The following FSHR variants were observed in gnomAD, a reference collection of about 807,000 sequenced individuals.
FSHR encodes the protein follicle-stimulating hormone receptor.
A neutral mutation model predicts 52.1 loss-of-function variants in FSHR; 46 were observed. The ratio of observed to expected loss-of-function variants is 0.88; its 90% confidence interval spans 0.70 to 1.13. The LOEUF (loss-of-function observed/expected upper bound fraction) is 1.13. Among genes scored for constraint, FSHR ranks in the 50% most tolerant of loss-of-function variants. The probability of loss-of-function intolerance (pLI) is 0.00; values close to 1 mark genes in which losing one functional copy is unlikely to be tolerated. For missense variants in FSHR, 964 were observed against 834.6 expected (o/e 1.16, Z -1.91); for synonymous variants, 399 against 309.6 (o/e 1.29, Z -3.03).
At chr2:48,979,312 A>C (rs1230884257) in intron 8 of FSHR, among the ~76,000 whole-genome samples, 1 of 152,106 alleles carries the variant, frequency 6.6e-6, no homozygotes, top group Non-Finnish European at 1.5e-5. Context: ...GTGGTGGTGC[A>C]CGCTTGTAGT....
At chr2:49,125,694 T>A (rs1380216914) in intron 1 of FSHR, among the ~76,000 whole-genome samples, 1 of 152,210 alleles carries the variant, frequency 6.6e-6, no homozygotes, top group Non-Finnish European at 1.5e-5. Context: ...ACCTGAGGAA[T>A]CTAAAATCCA....
intron 8 of FSHR, among the ~76,000 whole-genome samples, chr2:48,973,790 C>T (rs11693287): frequency 0.22 from 33,978 of 152,010 alleles, 5,207 homozygotes; most frequent in African/African-American, 0.45. Flanking sequence ...AGGAAATAGA[C>T]AGATCACCCC....
At chr2:49,088,834 T>C (rs981778094) in intron 1 of FSHR, among the ~76,000 whole-genome samples, 1 of 140,044 alleles carries the variant, frequency 7.1e-6, no homozygotes, top group Non-Finnish European at 1.6e-5. Context: ...TGATCACTAC[T>C]CCATGAACCA....
chr2:48,989,273 CTTTTTTTTTTTT>C (rs70946840), intron 5 of FSHR, among the ~76,000 whole-genome samples: 1 of 120,824 alleles, frequency 8.3e-6, no homozygotes, highest in African/African-American at 3.6e-5. Context: ...CATTCAGTGT[CTTTTTTTTTTTT>C]TTTTTTTTTT....
intron 2 of FSHR, among the ~76,000 whole-genome samples, chr2:49,037,527 T>C (rs1352466646): frequency 6.6e-6 from 1 of 152,132 alleles, no homozygotes; most frequent in Non-Finnish European, 1.5e-5. Context: ...ATGAGTAACT[T>C]TAATTGCTCA....
chr2:49,012,810 T>C (rs1667320444), intron 4 of FSHR, among the ~76,000 whole-genome samples: 1 of 152,114 alleles, frequency 6.6e-6, no homozygotes, highest in Non-Finnish European at 1.5e-5. Context: ...TACCTCTACC[T>C]GGCTGCTGGA....
In FSHR at chr2:49,112,273, A is replaced by T. The variant is rs545013657; in HGVS notation, c.152+41993T>A. ...TAAGACAGTGAAGTTGTGTAAGGGA[A>T]ATGCCATTTTTTTCCCTAGTAGAAT... On this transcript the variant is annotated intron_variant, in intron 1 of 9. Coordinates refer to ENST00000406846, the MANE Select transcript of FSHR (RefSeq NM_000145.4). 2.0e-5 allele frequency among the ~76,000 whole-genome samples: 3 copies of T among 152,312 alleles called. No homozygotes were observed. The South Asian group carries it at 6.2e-4, about 32-fold the overall frequency.
At chr2:49,035,596 A>G (rs918344818) in intron 2 of FSHR, among the ~76,000 whole-genome samples, 1 of 152,156 alleles carries the variant, frequency 6.6e-6, no homozygotes, top group African/African-American at 2.4e-5. Context: ...CCTCTATCAA[A>G]ACATCAGCCT....
At chr2:48,989,393 C>A (rs1435830230) in intron 5 of FSHR, among the ~76,000 whole-genome samples, 1 of 151,606 alleles carries the variant, frequency 6.6e-6, no homozygotes, top group Non-Finnish European at 1.5e-5. Context: ...AGTGATCCTG[C>A]CACCTCAGCC....
chr2:48,987,869 C>G (rs1675589817), intron 6 of FSHR, among the ~76,000 whole-genome samples: 1 of 151,402 alleles, frequency 6.6e-6, no homozygotes, highest in Non-Finnish European at 1.5e-5. Flanking sequence ...CACACACACA[C>G]ACCCCTTCAC....
At chr2:49,088,941 G>C (rs1032518124) in intron 1 of FSHR, among the ~76,000 whole-genome samples, 2 of 152,102 alleles carry the variant, frequency 1.3e-5, no homozygotes, top group Non-Finnish European at 2.9e-5. Flanking sequence ...TATGCATTGA[G>C]TAATTATATT....
At chr2:49,011,279 A>G (rs889357646) in intron 4 of FSHR, among the ~76,000 whole-genome samples, 5 of 151,788 alleles carry the variant, frequency 3.3e-5, no homozygotes, top group Admixed American at 6.6e-5. Flanking sequence ...CCTTCATTTC[A>G]TTATGTACCC....
intron 2 of FSHR, among the ~76,000 whole-genome samples, chr2:49,060,320 C>T (rs923895100): frequency 6.6e-6 from 1 of 152,026 alleles, no homozygotes; most frequent in Non-Finnish European, 1.5e-5. Flanking sequence ...CCATATGATC[C>T]CATTAGGTAT....
At chr2:49,028,220 AATG>A (rs1173474692) in intron 2 of FSHR, among the ~76,000 whole-genome samples, 1 of 152,196 alleles carries the variant, frequency 6.6e-6, no homozygotes, top group Non-Finnish European at 1.5e-5. Context: ...CTGCAGGAAT[AATG>A]ATGACAATGA....
intron 2 of FSHR, among the ~76,000 whole-genome samples, chr2:49,030,363 A>T (rs1047556114): frequency 2.6e-5 from 4 of 151,146 alleles, no homozygotes; most frequent in Non-Finnish European, 4.4e-5. Flanking sequence ...GCACCCCAAA[A>T]CCTTCCTTAA....
chr2:49,099,958 C>T (rs1190343175), intron 1 of FSHR, among the ~76,000 whole-genome samples: 1 of 152,088 alleles, frequency 6.6e-6, no homozygotes, highest in African/African-American at 2.4e-5. Context: ...GAGCAGTTGG[C>T]TGTATAAATC....
At chr2:48,982,822 T>G (rs1675312190) in intron 8 of FSHR, 90 bp downstream of exon 8, 1 of 1,117,092 alleles carries the variant, frequency 9.0e-7, no homozygotes, top group Non-Finnish European at 1.4e-6. Flanking sequence ...GCCAGCCCTG[T>G]GTTGGAAGCT....
rs772911094 is a variant in FSHR at position 49,068,261 on chromosome 2, A to G, written c.182T>C (p.Ile61Thr). The change falls in exon 2 of 10, where the codon ATC becomes ACC. Residue 61 changes from isoleucine to threonine, a missense_variant. Transcript: ENST00000406846. ...LRFVLTKLRVIQKGAFSGFGD... is the reference protein window; with the variant it reads ...LRFVLTKLRVTQKGAFSGFGD... ...AAATCCTGAAAATGCACCTTTTTGG[A>G]TGACTCGAAGCTTGGTGAGGACAAA... is the stretch of plus-strand genomic sequence containing the variant. 5 of 1,611,442 alleles carry G rather than the reference A, an allele frequency of 3.1e-6. No individual in the cohort carries two copies. Among genetic ancestry groups the G allele is most frequent in the Non-Finnish European group, 4.2e-6 (5 of 1,178,608 alleles).
chr2:49,065,177 A>C (rs1669454727), intron 2 of FSHR, among the ~76,000 whole-genome samples: 1 of 152,092 alleles, frequency 6.6e-6, no homozygotes, highest in South Asian at 2.1e-4. Flanking sequence ...GTGGGAAATA[A>C]AGGGTTTTGA....
Sources: gnomAD v4.1 joint callset for allele counts (sites outside exome capture counted in the v4.1 genomes callset) on GRCh38, gnomAD v4.1.1 for gene constraint, MANE v1.5 for transcripts, NCBI Gene and HGNC (gene_info 2026-07-23, HGNC 2026-07-21) for gene names.